Variants in RNF150 observed in about 807,000 individuals in gnomAD.
RNF150 encodes ring finger protein 150.
RNF150 carries 24 observed loss-of-function variants against 39.3 expected under a neutral mutation model. The observed-to-expected ratio is 0.61, with a 90% CI of 0.44 to 0.86. The LOEUF (loss-of-function observed/expected upper bound fraction) is 0.86, where lower values mean the gene tolerates loss of function less well. RNF150 is among the 40% of genes least tolerant of loss of function. The pLI, the probability that RNF150 is intolerant of heterozygous loss-of-function variation, is 0.00. For synonymous variants in RNF150, 255 were observed against 227.3 expected, an observed-to-expected ratio of 1.12 and a Z score of -1.10; for missense variants, 502 against 587.8, an observed-to-expected ratio of 0.85 and a Z score of 1.51.
chr4:141,160,660 C>T (rs1219119371), intron 1 of RNF150, among the ~76,000 whole-genome samples: 1 of 152,082 alleles, frequency 6.6e-6, no homozygotes, highest in African/African-American at 2.4e-5. Context: ...TAGCACCGTC[C>T]CCTCTTTGGT....
chr4:141,027,952 T>TTCTTTTTTTTG (rs1553938684), intron 1 of RNF150, among the ~76,000 whole-genome samples: 1 of 71,578 alleles, frequency 1.4e-5, no homozygotes, highest in Non-Finnish European at 2.9e-5. Flanking sequence ...TTTTTTTTTT[T>TTCTTTTTTTTG]CAATCCTGCT....
chr4:140,978,100 C>G (rs13136189), intron 1 of RNF150, among the ~76,000 whole-genome samples: 46,368 of 151,990 alleles, frequency 0.31, 7,859 homozygotes, highest in East Asian at 0.71. Flanking sequence ...TATCATTCAG[C>G]AACCAAATTG....
At chr4:140,915,926 AGGCAAACAGGGTCT>A (rs1730806373) in intron 5 of RNF150, among the ~76,000 whole-genome samples, 1 of 152,224 alleles carries the variant, frequency 6.6e-6, no homozygotes, top group Non-Finnish European at 1.5e-5. Flanking sequence ...GCTGATACCC[AGGCAAACAGGGTCT>A]GGAGTGGACC....
intron 1 of RNF150, among the ~76,000 whole-genome samples, chr4:141,185,464 G>A (rs1254204521): frequency 6.6e-6 from 1 of 152,166 alleles, no homozygotes; most frequent in Non-Finnish European, 1.5e-5. Flanking sequence ...ATACAATCAC[G>A]TCATCTGCAA....
intron 1 of RNF150, among the ~76,000 whole-genome samples, chr4:141,039,956 C>T (rs1242718447): frequency 2.0e-5 from 3 of 152,078 alleles, no homozygotes; most frequent in African/African-American, 7.2e-5. Context: ...CCCTGCGTGC[C>T]CTGATGTAAC....
In RNF150 at chr4:140,862,549, G is replaced by A. The variant is rs1728531818; in HGVS notation, c.*5712C>T. On this transcript the variant is annotated 3_prime_UTR_variant, in exon 7 of 7. Coordinates refer to ENST00000515673, the MANE Select transcript of RNF150 (RefSeq NM_020724.2). ...TGATAACTTGGTGTCAATAAAAGGT[G>A]TAGAGTGGAAGAGTGTGGCTATTGA... The A allele has an allele frequency of 1.3e-5, 2 of 152,204 alleles. No homozygotes were observed. The highest frequency in any genetic ancestry group is 1.3e-4 in the Admixed American group (2 of 15,272). The allele number at this position is 152,204 out of a possible 1,614,324, so 9.4% of individuals were successfully genotyped here.
chr4:141,107,803 A>G (rs1739261466), intron 1 of RNF150, among the ~76,000 whole-genome samples: 1 of 130,632 alleles, frequency 7.7e-6, no homozygotes, highest in African/African-American at 2.7e-5. Flanking sequence ...CAGCCATTCA[A>G]ATGGGATATA....
At chr4:140,872,007 A>T (rs530825801) in intron 6 of RNF150, among the ~76,000 whole-genome samples, 2 of 152,374 alleles carry the variant, frequency 1.3e-5, no homozygotes, top group South Asian at 4.1e-4. Context: ...ATCATTTTCC[A>T]TTTAAAAACT....
chr4:140,896,657 T>G, intron 6 of RNF150, among the ~76,000 whole-genome samples: 1 of 99,674 alleles, frequency 1.0e-5, no homozygotes, highest in African/African-American at 3.8e-5. Flanking sequence ...CTGCACAATG[T>G]GCACATGTAC....
chr4:141,194,755 T>A (rs1452196570), intron 1 of RNF150, among the ~76,000 whole-genome samples: 1 of 152,038 alleles, frequency 6.6e-6, no homozygotes, highest in Non-Finnish European at 1.5e-5. Flanking sequence ...AACAGAGGTG[T>A]GAGGAGTTAA....
chr4:141,018,924 G>A (rs1268512339), intron 1 of RNF150, among the ~76,000 whole-genome samples: 1 of 151,264 alleles, frequency 6.6e-6, no homozygotes, highest in Admixed American at 6.6e-5. Flanking sequence ...ATATTATACA[G>A]GTTTTTTCCT....
chr4:140,860,690 A>C lies in RNF150; in HGVS notation c.*7571T>G, dbSNP rs1728451721. 1 of 152,208 alleles carries C rather than the reference A, an allele frequency of 6.6e-6. No homozygotes were observed. Among genetic ancestry groups the C allele is most frequent in the Non-Finnish European group, 1.5e-5 (1 of 68,038 alleles). The allele number at this position is 152,208 out of a possible 1,614,324, so 9.4% of individuals were successfully genotyped here. A position where few individuals can be genotyped will look rare whatever the true frequency, so the allele number is the denominator to read the frequency against. The stretch of plus-strand genomic sequence containing the variant: ...TTTCCTCTTGCTAGTAGGGAGGAAG[A>C]TTGATTTATGATGTCATGTCTGATT... On this transcript the variant is annotated 3_prime_UTR_variant, in exon 7 of 7. Coordinates refer to ENST00000515673, the MANE Select transcript of RNF150 (RefSeq NM_020724.2).
At chr4:141,010,075 T>G (rs1442524949) in intron 1 of RNF150, among the ~76,000 whole-genome samples, 2 of 152,234 alleles carry the variant, frequency 1.3e-5, no homozygotes, top group African/African-American at 2.4e-5. Context: ...GACAGTTTCT[T>G]AGTGATTCAA....
intron 1 of RNF150, among the ~76,000 whole-genome samples, chr4:141,069,940 C>A (rs894431249): frequency 2.0e-5 from 3 of 151,908 alleles, no homozygotes; most frequent in African/African-American, 7.3e-5. Context: ...CTATTTGATT[C>A]TTCTCTCTTT....
chr4:141,160,983 T>C (rs1727503210), intron 1 of RNF150, among the ~76,000 whole-genome samples: 1 of 152,176 alleles, frequency 6.6e-6, no homozygotes, highest in African/African-American at 2.4e-5. Context: ...GGCATTGCTA[T>C]AAGGATACCT....
chr4:140,983,000 G>A (rs1401285010), intron 1 of RNF150, among the ~76,000 whole-genome samples: 9 of 152,096 alleles, frequency 5.9e-5, no homozygotes, highest in Non-Finnish European at 8.8e-5. Flanking sequence ...TGCCTCTGCT[G>A]CTTTGTGATC....
intron 1 of RNF150, among the ~76,000 whole-genome samples, chr4:141,117,579 C>T (rs1428879611): frequency 6.6e-6 from 1 of 152,122 alleles, no homozygotes; most frequent in African/African-American, 2.4e-5. Context: ...CCATCTAGAA[C>T]ACTCTACAAT....
intron 2 of RNF150, among the ~76,000 whole-genome samples, chr4:140,957,817 G>A (rs942443058): frequency 4.0e-5 from 6 of 150,264 alleles, no homozygotes; most frequent in South Asian, 2.1e-4. Context: ...ACCAAACACC[G>A]CATATTCTCT....
intron 4 of RNF150, among the ~76,000 whole-genome samples, 156 bp from the exon 5 acceptor site, chr4:140,926,229 T>C (rs1731394982): frequency 6.6e-6 from 1 of 152,230 alleles, no homozygotes; most frequent in Non-Finnish European, 1.5e-5. Context: ...TGTTTCCTGT[T>C]ATAACCTGTG....
Sources: gnomAD v4.1 joint callset for allele counts (sites outside exome capture counted in the v4.1 genomes callset) on GRCh38, gnomAD v4.1.1 for gene constraint, MANE v1.5 for transcripts, NCBI Gene and HGNC (gene_info 2026-07-23, HGNC 2026-07-21) for gene names.